The following DOK6 variants were observed in gnomAD, a reference collection of about 807,000 sequenced individuals.
The protein encoded by DOK6 is docking protein 6.
DOK6 carries 22 observed loss-of-function variants against 44.0 expected under a neutral mutation model. That is an observed-to-expected ratio of 0.50 (90% confidence interval 0.36 to 0.71). The LOEUF is 0.71. Ranked by LOEUF, DOK6 falls within the 30% of genes least tolerant of loss-of-function variation. The probability of loss-of-function intolerance (pLI) is 0.00; values close to 1 mark genes in which losing one functional copy is unlikely to be tolerated. For missense variants in DOK6, 340 were observed against 416.4 expected, an observed-to-expected ratio of 0.82 and a Z score of 1.60; for synonymous variants, 166 against 145.5, an observed-to-expected ratio of 1.14 and a Z score of -1.01.
At chr18:69,807,721 G>A (rs939527433) in intron 7 of DOK6, among the ~76,000 whole-genome samples, 1 of 151,712 alleles carries the variant, frequency 6.6e-6, no homozygotes, top group African/African-American at 2.4e-5. Flanking sequence ...TAATGACAAT[G>A]GTGTAAATTC....
chr18:69,712,216 G>T (rs929930568), intron 5 of DOK6, among the ~76,000 whole-genome samples: 1 of 133,670 alleles, frequency 7.5e-6, no homozygotes, highest in Admixed American at 8.2e-5. Context: ...GGGAGGCAGA[G>T]CTTGCAGTGA....
intron 5 of DOK6, among the ~76,000 whole-genome samples, chr18:69,719,658 T>A (rs749893711): frequency 6.6e-6 from 1 of 152,130 alleles, no homozygotes; most frequent in Non-Finnish European, 1.5e-5. Context: ...AAAGAAGGGG[T>A]CAGTTTGGGG....
chr18:69,588,880 G>T (rs1219890134), intron 2 of DOK6, among the ~76,000 whole-genome samples: 1 of 152,014 alleles, frequency 6.6e-6, no homozygotes, highest in Non-Finnish European at 1.5e-5. Context: ...AGATGTAAAA[G>T]ATTAAGCTTG....
chr18:69,829,702 T>C (rs1981846607), intron 7 of DOK6, among the ~76,000 whole-genome samples: 1 of 151,846 alleles, frequency 6.6e-6, no homozygotes, highest in Non-Finnish European at 1.5e-5. Flanking sequence ...GAAAGACTTG[T>C]TATCAAGACA....
intron 6 of DOK6, 127 bp from the exon 7 acceptor site, chr18:69,757,629 C>A (rs1478949027): frequency 1.4e-6 from 1 of 713,626 alleles, no homozygotes; most frequent in Admixed American, 2.2e-5. Flanking sequence ...ATCCTTACAC[C>A]GGGGATCATG....
chr18:69,498,933 TA>T lies in DOK6; in HGVS notation c.67-65553del, dbSNP rs1249548894. Among the ~76,000 whole-genome samples the T allele has an allele frequency of 3.9e-5, 6 of 152,324 alleles. 1 individual carries two copies. In the East Asian group the frequency reaches 9.6e-4, roughly 24 times the overall value. On this transcript the variant is annotated intron_variant, in intron 1 of 7. Transcript: ENST00000382713. ...CAAATAAAAGAGAAAATATTTAAAT[TA>T]TTAGGCAAGAATGCCTAAGTAGCTG...
intron 1 of DOK6, among the ~76,000 whole-genome samples, chr18:69,500,672 G>A (rs1337250246): frequency 6.6e-6 from 1 of 152,042 alleles, no homozygotes; most frequent in African/African-American, 2.4e-5. Context: ...TATGTTACTG[G>A]CAATATAAGT....
intron 1 of DOK6, among the ~76,000 whole-genome samples, chr18:69,527,613 G>C (rs1981866903): frequency 6.6e-6 from 1 of 152,106 alleles, no homozygotes; most frequent in Admixed American, 6.6e-5. Flanking sequence ...TCAAACCATA[G>C]CATAATGCAA....
chr18:69,417,311 C>T (rs891529134), intron 1 of DOK6, among the ~76,000 whole-genome samples: 3 of 152,066 alleles, frequency 2.0e-5, no homozygotes, highest in Middle Eastern at 3.2e-3. Flanking sequence ...TTGTGAGACA[C>T]GTAACGTTTG....
intron 2 of DOK6, among the ~76,000 whole-genome samples, chr18:69,589,443 T>A (rs888969355): frequency 2.8e-5 from 4 of 141,236 alleles, no homozygotes; most frequent in African/African-American, 1.0e-4. Context: ...TAGTAAAATT[T>A]ATGTTCTAAT....
At chr18:69,439,630 C>T (rs1338719589) in intron 1 of DOK6, among the ~76,000 whole-genome samples, 1 of 152,264 alleles carries the variant, frequency 6.6e-6, no homozygotes, top group Non-Finnish European at 1.5e-5. Context: ...CCTCAAACCT[C>T]ATGAACCAAC....
At chr18:69,732,502 A>G (rs866203006) in intron 5 of DOK6, among the ~76,000 whole-genome samples, 1 of 152,194 alleles carries the variant, frequency 6.6e-6, no homozygotes, top group Admixed American at 6.5e-5. Flanking sequence ...AGCATCTTAT[A>G]TGTATATATT....
At chr18:69,421,973 C>T (rs1440926885) in intron 1 of DOK6, among the ~76,000 whole-genome samples, 3 of 152,134 alleles carry the variant, frequency 2.0e-5, no homozygotes, top group Admixed American at 6.5e-5. Context: ...AAACAACTTC[C>T]AGTTTCCCTT....
chr18:69,747,308 GT>G (rs1429595377), intron 6 of DOK6, among the ~76,000 whole-genome samples: 2 of 152,210 alleles, frequency 1.3e-5, no homozygotes, highest in Admixed American at 6.5e-5. Context: ...TCAGTTAACA[GT>G]TTTTTTATAC....
intron 3 of DOK6, among the ~76,000 whole-genome samples, chr18:69,641,253 A>T (rs541078191): frequency 1.3e-5 from 2 of 152,224 alleles, no homozygotes; most frequent in East Asian, 3.9e-4. Context: ...CCTAATGATA[A>T]AATAAATATG....
At chr18:69,771,845 A>G (rs555201464) in intron 7 of DOK6, among the ~76,000 whole-genome samples, 1 of 152,140 alleles carries the variant, frequency 6.6e-6, no homozygotes, top group South Asian at 2.1e-4. Flanking sequence ...AATTAAGTGA[A>G]GAAAATAATA....
intron 6 of DOK6, among the ~76,000 whole-genome samples, chr18:69,741,488 A>C (rs1453105771): frequency 6.6e-6 from 1 of 152,138 alleles, no homozygotes; most frequent in South Asian, 2.1e-4. Flanking sequence ...AACATGCACA[A>C]AACTTTTCTT....
chr18:69,679,521 C>T (rs1985999506), intron 4 of DOK6, among the ~76,000 whole-genome samples: 1 of 152,210 alleles, frequency 6.6e-6, no homozygotes, highest in South Asian at 2.1e-4. Flanking sequence ...AATTTCATCT[C>T]TGATTTGTTT....
chr18:69,684,160 C>T (rs892712452), intron 4 of DOK6, among the ~76,000 whole-genome samples: 1 of 152,216 alleles, frequency 6.6e-6, no homozygotes, highest in Non-Finnish European at 1.5e-5. Flanking sequence ...TTTATATAGA[C>T]ACCACCTATA....
Sources: gnomAD v4.1 joint callset for allele counts (sites outside exome capture counted in the v4.1 genomes callset) on GRCh38, gnomAD v4.1.1 for gene constraint, MANE v1.5 for transcripts, NCBI Gene and HGNC (gene_info 2026-07-23, HGNC 2026-07-21) for gene names.